PAK5: variants seen among roughly 807,000 people sequenced by gnomAD.
The protein encoded by PAK5 is serine/threonine-protein kinase PAK 5.
A neutral mutation model predicts 65.9 loss-of-function variants in PAK5; 16 were observed. The observed-to-expected ratio is 0.24, with a 90% CI of 0.16 to 0.37. PAK5 has a LOEUF of 0.37. PAK5 is among the 10% of genes least tolerant of loss of function. PAK5 has a pLI of 1.00. For missense variants in PAK5, 785 were observed against 903.9 expected, an observed-to-expected ratio of 0.87 and a Z score of 1.69; for synonymous variants, 371 against 354.9, an observed-to-expected ratio of 1.05 and a Z score of -0.51.
chr20:9,814,647 AAAAT>A (rs1354911038), intron 1 of PAK5, among the ~76,000 whole-genome samples: 1 of 152,216 alleles, frequency 6.6e-6, no homozygotes, highest in Non-Finnish European at 1.5e-5. Flanking sequence ...ACATACATAA[AAAAT>A]AAATATATAA....
intron 9 of PAK5, 86 bp downstream of exon 9, chr20:9,542,500 A>G: frequency 7.8e-7 from 1 of 1,280,502 alleles, no homozygotes; most frequent in Non-Finnish European, 1.1e-6. Context: ...TTCCTGCTGG[A>G]TGTGGTAAGC....
At position 9,675,947 on chromosome 20, in the gene PAK5, C is replaced by T. The variant is rs1203373259; in HGVS notation, c.-11-31608G>A. On this transcript the variant is annotated intron_variant, in intron 2 of 9. Coordinates refer to ENST00000353224, the MANE Select transcript of PAK5 (RefSeq NM_177990.4). Reference sequence around the variant, plus strand: ...ATTGTAAATTGGTAAAGTAAGGCAACAAAAACTGTGTATTAGTTTATTTTC... The same window carrying T: ...ATTGTAAATTGGTAAAGTAAGGCAATAAAAACTGTGTATTAGTTTATTTTC... 1.1e-4 allele frequency among the ~76,000 whole-genome samples: 16 copies of T among 152,152 alleles called. 1 individual carries two copies. The highest frequency in any genetic ancestry group is 1.0e-3 in the Admixed American group (16 of 15,264).
chr20:9,813,496 A>G (rs2049321583), intron 1 of PAK5, among the ~76,000 whole-genome samples: 1 of 152,218 alleles, frequency 6.6e-6, no homozygotes, highest in Non-Finnish European at 1.5e-5. Flanking sequence ...AGTTTTAAGT[A>G]ATACAGTTAA....
In PAK5 at chr20:9,644,335, A is replaced by G; in HGVS notation, c.-7T>C. 6.2e-7 allele frequency: 1 copy of G among 1,603,758 alleles called. No homozygotes were observed. The highest frequency in any genetic ancestry group is 1.1e-5 in the South Asian group (1 of 90,264). ...TCTTTTTCTTCCCAAACATGATGCC[A>G]AAACCTGGGAAATATAAATGGAAAA... On this transcript the variant is annotated 5_prime_UTR_variant, in exon 3 of 10. Transcript: ENST00000353224.
intron 1 of PAK5, among the ~76,000 whole-genome samples, chr20:9,830,325 T>G (rs1470205233): frequency 6.6e-6 from 1 of 152,256 alleles, no homozygotes; most frequent in African/African-American, 2.4e-5. Flanking sequence ...ACAACATGAT[T>G]GTTAAGTTAC....
At chr20:9,741,346 AC>A (rs1214040557) in intron 1 of PAK5, among the ~76,000 whole-genome samples, 1 of 152,094 alleles carries the variant, frequency 6.6e-6, no homozygotes, top group Non-Finnish European at 1.5e-5. Flanking sequence ...CCTTGAGCCC[AC>A]CGTTATTTTT....
chr20:9,543,332 T>G (rs1348190167), intron 8 of PAK5, among the ~76,000 whole-genome samples: 1 of 152,048 alleles, frequency 6.6e-6, no homozygotes, highest in African/African-American at 2.4e-5. Context: ...TAGTAAAGAA[T>G]GGGAAGTCGA....
chr20:9,802,924 A>G (rs985105681), intron 1 of PAK5, among the ~76,000 whole-genome samples: 3 of 133,682 alleles, frequency 2.2e-5, no homozygotes, highest in Non-Finnish European at 3.2e-5. Flanking sequence ...ATATATATAT[A>G]TATATATATG....
intron 1 of PAK5, among the ~76,000 whole-genome samples, chr20:9,827,028 C>T (rs771672236): frequency 1.5e-4 from 21 of 135,730 alleles, no homozygotes; most frequent in Admixed American, 2.3e-4. Flanking sequence ...TACCTTATAC[C>T]CATGTCCAAT....
In PAK5 at chr20:9,622,476, A is replaced by T. The variant is rs184727889; in HGVS notation, c.204+21649T>A. Among the ~76,000 whole-genome samples, 12 of 152,324 alleles carry T rather than the reference A, an allele frequency of 7.9e-5. No homozygotes were observed. In the East Asian group the frequency reaches 2.3e-3, roughly 29 times the overall value. ...TAATCTAGACATTGACCTCAAGATG[A>T]AGTAAACATGAGGAGGAGGGGGAAA... is the stretch of plus-strand genomic sequence containing the variant. On this transcript the variant is annotated intron_variant, in intron 3 of 9. Transcript: ENST00000353224.
intron 1 of PAK5, among the ~76,000 whole-genome samples, chr20:9,811,763 G>A (rs182156171): frequency 1.3e-4 from 20 of 152,146 alleles, no homozygotes; most frequent in East Asian, 1.9e-4. Flanking sequence ...TGCTCACCCC[G>A]CCACTGAAAC....
intron 1 of PAK5, among the ~76,000 whole-genome samples, chr20:9,745,845 T>C (rs943263667): frequency 1.3e-5 from 2 of 150,742 alleles, no homozygotes; most frequent in Non-Finnish European, 3.0e-5. Context: ...AATGAGATAA[T>C]AAAAGAAGGG....
At chr20:9,826,858 G>C (rs1459987246) in intron 1 of PAK5, among the ~76,000 whole-genome samples, 2 of 152,122 alleles carry the variant, frequency 1.3e-5, no homozygotes, top group Admixed American at 1.3e-4. Context: ...ACCAGGTCTG[G>C]GACAATAGAG....
chr20:9,803,920 C>T (rs4816179), intron 1 of PAK5, among the ~76,000 whole-genome samples: 88,369 of 151,878 alleles, frequency 0.58, 26,083 homozygotes, highest in African/African-American at 0.69. Context: ...TTCTCAGTGG[C>T]ATAAAAGTAA....
intron 3 of PAK5, among the ~76,000 whole-genome samples, chr20:9,593,451 T>C (rs1411045419): frequency 6.6e-6 from 1 of 152,182 alleles, no homozygotes; most frequent in Non-Finnish European, 1.5e-5. Context: ...TTTTTATTTA[T>C]TTATTTATTT....
At chr20:9,603,228 T>C (rs1012748470) in intron 3 of PAK5, among the ~76,000 whole-genome samples, 13 of 152,192 alleles carry the variant, frequency 8.5e-5, no homozygotes, top group African/African-American at 2.9e-4. Flanking sequence ...TCTCAGGAAG[T>C]AATGCAAGCA....
chr20:9,775,238 C>T (rs1197697016), intron 1 of PAK5, among the ~76,000 whole-genome samples: 1 of 149,550 alleles, frequency 6.7e-6, no homozygotes, highest in African/African-American at 2.5e-5. Context: ...ATGCCTTTCA[C>T]TGAATGTAAA....
At chr20:9,619,996 A>C (rs150956192) in intron 3 of PAK5, among the ~76,000 whole-genome samples, 92 of 152,294 alleles carry the variant, frequency 6.0e-4, no homozygotes, top group African/African-American at 2.2e-3. Context: ...ACCTTTTTTC[A>C]CATGCAACTT....
intron 3 of PAK5, among the ~76,000 whole-genome samples, chr20:9,625,078 C>T (rs2046824742): frequency 6.6e-6 from 1 of 152,134 alleles, no homozygotes; most frequent in South Asian, 2.1e-4. Flanking sequence ...GCCACCACCA[C>T]ATCCACCAGC....
Sources: gnomAD v4.1 joint callset for allele counts (sites outside exome capture counted in the v4.1 genomes callset) on GRCh38, gnomAD v4.1.1 for gene constraint, MANE v1.5 for transcripts, NCBI Gene and HGNC (gene_info 2026-07-23, HGNC 2026-07-21) for gene names.